The following SIPA1L2 variants were observed in gnomAD, a reference collection of about 807,000 sequenced individuals.
SIPA1L2 encodes signal-induced proliferation-associated 1-like protein 2.
SIPA1L2 carries 56 observed loss-of-function variants against 163.9 expected under a neutral mutation model. The ratio of observed to expected loss-of-function variants is 0.34; its 90% CI spans 0.28 to 0.43. The LOEUF (loss-of-function observed/expected upper bound fraction) is 0.43. Ranked by LOEUF, SIPA1L2 falls within the 20% of genes least tolerant of loss-of-function variation. The pLI is 1.00. For synonymous variants in SIPA1L2, 877 were observed against 865.7 expected (o/e 1.01, Z -0.23); for missense variants, 1,974 against 2,193.5 (o/e 0.90, Z 2.00).
intron 10 of SIPA1L2, among the ~76,000 whole-genome samples, chr1:232,449,371 G>A (rs1287401500): frequency 3.3e-5 from 5 of 151,768 alleles, no homozygotes; most frequent in Non-Finnish European, 1.5e-5. Context: ...ACAAAAAATT[G>A]GCCGGGCACG....
chr1:232,402,725 T>G (rs553226994), intron 21 of SIPA1L2: 40 of 286,218 alleles, frequency 1.4e-4, no homozygotes, highest in African/African-American at 8.3e-4. Flanking sequence ...AGATATATTA[T>G]TTAAGTTGGT....
chr1:232,475,501 G>A lies in SIPA1L2; in HGVS notation c.2086-3973C>T, dbSNP rs202198628. 5.9e-5 allele frequency among the ~76,000 whole-genome samples: 9 copies of A among 152,098 alleles called. No individual in the cohort carries two copies. In the East Asian group the frequency reaches 9.6e-4, roughly 16 times the overall value. ...TTAAGAGGCGTATAGAGTTTCCTACGGAAAAAGTTAATGTAGAAAAGCATT... is the reference window on the plus strand; with the variant it reads ...TTAAGAGGCGTATAGAGTTTCCTACAGAAAAAGTTAATGTAGAAAAGCATT... On this transcript the variant is annotated intron_variant, in intron 7 of 22. Transcript: ENST00000674635.
chr1:232,438,115 G>C (rs141623747), intron 15 of SIPA1L2, among the ~76,000 whole-genome samples: 34 of 152,278 alleles, frequency 2.2e-4, no homozygotes, highest in Middle Eastern at 3.4e-3. Flanking sequence ...GGCAGTGGTG[G>C]GGTGAGGGGG....
chr1:232,487,793 A>T (rs1665719861), intron 5 of SIPA1L2, among the ~76,000 whole-genome samples: 1 of 152,106 alleles, frequency 6.6e-6, no homozygotes, highest in Admixed American at 6.5e-5. Flanking sequence ...TGATCTAAAC[A>T]CCCACAGTAT....
chr1:232,438,411 T>C (rs377539533), intron 15 of SIPA1L2, among the ~76,000 whole-genome samples: 1 of 152,242 alleles, frequency 6.6e-6, no homozygotes. Context: ...ATAAATGCAT[T>C]TCTTTGTCCT....
At chr1:232,507,540 T>C (rs934522850) in intron 3 of SIPA1L2, among the ~76,000 whole-genome samples, 1 of 152,212 alleles carries the variant, frequency 6.6e-6, no homozygotes, top group African/African-American at 2.4e-5. Flanking sequence ...TAAACTCTTA[T>C]AAAGATAAAT....
intron 1 of SIPA1L2, among the ~76,000 whole-genome samples, chr1:232,612,231 G>A (rs1178433956): frequency 6.6e-6 from 1 of 152,238 alleles, no homozygotes; most frequent in African/African-American, 2.4e-5. Flanking sequence ...AGGCACTCAT[G>A]GAGAAACTCT....
At chr1:232,484,487 A>G (rs1279914071) in intron 5 of SIPA1L2, among the ~76,000 whole-genome samples, 1 of 152,266 alleles carries the variant, frequency 6.6e-6, no homozygotes, top group Non-Finnish European at 1.5e-5. Flanking sequence ...TAGGATTCCA[A>G]TGGAAATTAT....
chr1:232,554,084 T>C (rs948080051), intron 2 of SIPA1L2, among the ~76,000 whole-genome samples: 1 of 152,202 alleles, frequency 6.6e-6, no homozygotes, highest in Admixed American at 6.5e-5. Flanking sequence ...CAACACTGGT[T>C]TCAATCTCTA....
chr1:232,535,604 T>C (rs1259251052), intron 2 of SIPA1L2, among the ~76,000 whole-genome samples: 1 of 152,218 alleles, frequency 6.6e-6, no homozygotes, highest in Non-Finnish European at 1.5e-5. Flanking sequence ...CAAGTCATTA[T>C]TAATATTAAT....
intron 9 of SIPA1L2, chr1:232,462,354 C>G: frequency 6.6e-7 from 1 of 1,525,786 alleles, no homozygotes; most frequent in Non-Finnish European, 8.8e-7. Context: ...AATGAACACT[C>G]CATTTCTATG....
chr1:232,472,245 G>A (rs1664837306), intron 7 of SIPA1L2, among the ~76,000 whole-genome samples: 1 of 152,132 alleles, frequency 6.6e-6, no homozygotes, highest in Non-Finnish European at 1.5e-5. Context: ...CAATGCAGTT[G>A]TCTCTGTAGA....
rs992584621 is a variant in SIPA1L2 at position 232,608,067 on chromosome 1, A to C, written c.-319+21802T>G. The stretch of plus-strand genomic sequence containing the variant: ...CATCTCAAAAAAAAAAAAAAAAAAA[A>C]AACGAGTCTTACTCTGTCACCCAGG... On this transcript the variant is annotated intron_variant, in intron 1 of 22. Transcript: ENST00000674635. Among the ~76,000 whole-genome samples the C allele has an allele frequency of 1.3e-4, 19 of 149,376 alleles. 1 individual carries two copies. Among genetic ancestry groups the C allele is most frequent in the Admixed American group, 8.8e-4 (13 of 14,772 alleles).
intron 1 of SIPA1L2, among the ~76,000 whole-genome samples, chr1:232,588,437 C>A (rs1660785384): frequency 6.6e-6 from 1 of 151,714 alleles, no homozygotes; most frequent in Non-Finnish European, 1.5e-5. Flanking sequence ...TTTTCTGATT[C>A]ATGACAAGAA....
At chr1:232,460,518 T>C (rs1664177235) in intron 10 of SIPA1L2, among the ~76,000 whole-genome samples, 1 of 152,194 alleles carries the variant, frequency 6.6e-6, no homozygotes, top group African/African-American at 2.4e-5. Context: ...AACTGAATAG[T>C]TAAGTATTTA....
rs116592168 is a variant in SIPA1L2 at position 232,426,129 on chromosome 1, T to C, written c.4411-321A>G. ...ATAGCAGTGATAGTTCCTGGAGTTA[T>C]ATAAGGTTGCCATTTCAGGCAATAG... On this transcript the variant is annotated intron_variant, in intron 17 of 22. Coordinates refer to ENST00000674635, the MANE Select transcript of SIPA1L2 (RefSeq NM_020808.5). 7.3e-3 allele frequency among the ~76,000 whole-genome samples: 1,113 copies of C among 152,330 alleles called. 9 individuals carry two copies. The highest frequency in any genetic ancestry group is 0.024 in the African/African-American group (1,002 of 41,574).
intron 8 of SIPA1L2, among the ~76,000 whole-genome samples, chr1:232,467,382 A>G (rs12117252): frequency 0.34 from 51,318 of 152,006 alleles, 9,782 homozygotes; most frequent in East Asian, 0.72. Flanking sequence ...AGAGGTTGAC[A>G]CTGCCAGGGA....
intron 2 of SIPA1L2, among the ~76,000 whole-genome samples, chr1:232,518,680 A>C (rs1277429716): frequency 6.6e-6 from 1 of 152,124 alleles, no homozygotes; most frequent in Non-Finnish European, 1.5e-5. Flanking sequence ...GGGTGACTCC[A>C]CAACATACTC....
chr1:232,493,663 A>G lies in SIPA1L2; in HGVS notation c.1484-3T>C, dbSNP rs976621957. On this transcript the variant is annotated splice_region_variant and splice_polypyrimidine_tract_variant and intron_variant, in intron 3 of 22. Coordinates refer to ENST00000674635, the MANE Select transcript of SIPA1L2 (RefSeq NM_020808.5). ...TATTCCAAAGTAGTTTTGGTGCTCT[A>G]TAATGGAAGAGAGAGGGTGGCATCA... The G allele has an allele frequency of 6.2e-7, 1 of 1,613,962 alleles. No homozygotes were observed. The highest frequency in any genetic ancestry group is 8.5e-7 in the Non-Finnish European group (1 of 1,179,940).
Sources: gnomAD v4.1 joint callset for allele counts (sites outside exome capture counted in the v4.1 genomes callset) on GRCh38, gnomAD v4.1.1 for gene constraint, MANE v1.5 for transcripts, NCBI Gene and HGNC (gene_info 2026-07-23, HGNC 2026-07-21) for gene names.